Variants in SVOPL observed in about 807,000 individuals in gnomAD.
SVOPL encodes SVOP like.
A neutral mutation model predicts 61.0 loss-of-function variants in SVOPL; 60 were observed. The observed-to-expected ratio is 0.98, with a 90% CI of 0.80 to 1.22. The LOEUF is 1.22. Among genes scored for constraint, SVOPL ranks in the 50% most tolerant of loss-of-function variants. The pLI is 0.00. For missense variants in SVOPL, 662 were observed against 643.9 expected, an observed-to-expected ratio of 1.03 and a Z score of -0.30; for synonymous variants, 279 against 250.0, an observed-to-expected ratio of 1.12 and a Z score of -1.09.
At chr7:138,652,502 T>A (rs1480684466) in intron 7 of SVOPL, among the ~76,000 whole-genome samples, 1 of 152,142 alleles carries the variant, frequency 6.6e-6, no homozygotes, top group African/African-American at 2.4e-5. Flanking sequence ...CTTATTTAAA[T>A]CTAAAGCTAG....
chr7:138,614,757 C>G (rs1234879492), intron 14 of SVOPL, among the ~76,000 whole-genome samples: 1 of 152,126 alleles, frequency 6.6e-6, no homozygotes, highest in Non-Finnish European at 1.5e-5. Context: ...TTGGGGATGA[C>G]AGCTATGCGA....
chr7:138,678,902 C>T, intron 2 of SVOPL, 62 bp downstream of exon 2: 1 of 1,498,064 alleles, frequency 6.7e-7, no homozygotes. Flanking sequence ...TGCATTTAAC[C>T]TTAAAAAGGA....
At chr7:138,639,721 T>C (rs549647650) in intron 9 of SVOPL, among the ~76,000 whole-genome samples, 1 of 151,704 alleles carries the variant, frequency 6.6e-6, no homozygotes, top group Non-Finnish European at 1.5e-5. Flanking sequence ...TGAGACAGGG[T>C]CTCGCCCTGT....
chr7:138,693,102 A>C (rs1802979795), intron 1 of SVOPL, among the ~76,000 whole-genome samples: 1 of 152,232 alleles, frequency 6.6e-6, no homozygotes, highest in African/African-American at 2.4e-5. Flanking sequence ...GACCTAAATT[A>C]CTTTTCTTGT....
Position 138,655,729 on chromosome 7 carries a change from T to C in SVOPL, c.534+719A>G, listed in dbSNP as rs374920763. Among the ~76,000 whole-genome samples, 10 of 150,410 alleles carry C rather than the reference T, an allele frequency of 6.6e-5. No individual in the cohort carries two copies. The East Asian group carries it at 1.7e-3, about 26-fold the overall frequency. ...TAATATATACTATATTTGTGTAATA[T>C]AGATATATATTCATTTATTACTGTA... On this transcript the variant is annotated intron_variant, in intron 7 of 15. Transcript: ENST00000674285.
intron 1 of SVOPL, among the ~76,000 whole-genome samples, chr7:138,684,058 G>T (rs1219477260): frequency 6.6e-6 from 1 of 150,698 alleles, no homozygotes; most frequent in Non-Finnish European, 1.5e-5. Flanking sequence ...ATCTCGGCAG[G>T]GGGGCAGGTG....
chr7:138,661,114 AC>A, intron 5 of SVOPL: 7 of 985,430 alleles, frequency 7.1e-6, no homozygotes, highest in Non-Finnish European at 8.4e-6. Context: ...TTTAAAACAT[AC>A]AGCCAATTCT....
chr7:138,626,179 G>A (rs1182516144), intron 12 of SVOPL, 129 bp from the exon 13 acceptor site: 3 of 851,842 alleles, frequency 3.5e-6, no homozygotes, highest in Non-Finnish European at 1.8e-6. Context: ...GGGAGGTGCT[G>A]CTTCTCAGCT....
In SVOPL at chr7:138,628,176, T is replaced by G; in HGVS notation, c.1051A>C (p.Thr351Pro). Residue 351 changes from threonine (T) to proline (P), a missense_variant, in exon 11 of 16, where the codon ACC becomes CCC. Physicochemically the swap from Thr to Pro is conservative, Grantham distance 38 (BLOSUM62 -1). Coordinates refer to ENST00000674285, the MANE Select transcript of SVOPL (RefSeq NM_001139456.2). ...PSDYRTMIIS[T>P]IGEIALNPLN... ...CACTTACAAGCAATTTCACCGATGG[T>G]GCTGATGATCATGGTCCGATAGTCA... 1 of 1,614,048 alleles carries G rather than the reference T, an allele frequency of 6.2e-7. No homozygotes were observed. Among genetic ancestry groups the G allele is most frequent in the Non-Finnish European group, 8.5e-7 (1 of 1,180,012 alleles).
At chr7:138,632,689 T>G (rs531087094) in intron 9 of SVOPL, among the ~76,000 whole-genome samples, 3 of 127,512 alleles carry the variant, frequency 2.4e-5, no homozygotes, top group African/African-American at 9.1e-5. Context: ...GGATGGAGAA[T>G]GTGCAGGGAA....
chr7:138,687,484 ACCT>A (rs112632420), intron 1 of SVOPL, among the ~76,000 whole-genome samples: 6 of 150,686 alleles, frequency 4.0e-5, no homozygotes, highest in African/African-American at 9.7e-5. Flanking sequence ...GATCCGGCCA[ACCT>A]CAGCCTCCCA....
At chr7:138,690,826 G>T (rs1204704353) in intron 1 of SVOPL, among the ~76,000 whole-genome samples, 1 of 152,012 alleles carries the variant, frequency 6.6e-6, no homozygotes, top group Non-Finnish European at 1.5e-5. Context: ...AGGCTGGAGT[G>T]CAGTGGCGCA....
chr7:138,643,516 G>A (rs1260069218), intron 9 of SVOPL, among the ~76,000 whole-genome samples: 1 of 151,156 alleles, frequency 6.6e-6, no homozygotes, highest in African/African-American at 2.4e-5. Flanking sequence ...AACAGTAGAA[G>A]TGTTCATCAA....
chr7:138,686,752 C>T (rs1334981291), intron 1 of SVOPL, among the ~76,000 whole-genome samples: 9 of 151,826 alleles, frequency 5.9e-5, no homozygotes, highest in African/African-American at 1.9e-4. Context: ...TTAGTAGAGA[C>T]GGGGTTTCTC....
At chr7:138,649,427 G>A (rs567642866) in intron 7 of SVOPL, among the ~76,000 whole-genome samples, 1 of 152,158 alleles carries the variant, frequency 6.6e-6, no homozygotes, top group East Asian at 1.9e-4. Flanking sequence ...CCGAGTAGCT[G>A]GGATTATAGG....
At chr7:138,683,728 G>C (rs1024529893) in intron 1 of SVOPL, among the ~76,000 whole-genome samples, 2 of 152,002 alleles carry the variant, frequency 1.3e-5, no homozygotes, top group African/African-American at 4.8e-5. Flanking sequence ...AGTAGAATCA[G>C]AACTCACAAA....
chr7:138,672,383 A>G (rs551875091), intron 3 of SVOPL, among the ~76,000 whole-genome samples: 1 of 152,266 alleles, frequency 6.6e-6, no homozygotes, highest in South Asian at 2.1e-4. Flanking sequence ...TTGCTGACCA[A>G]TGCAGTTGCA....
At position 138,659,870 on chromosome 7, in the gene SVOPL, G is replaced by A. The variant is rs763198503; in HGVS notation, c.464C>T (p.Ser155Leu). The change falls in exon 6 of 16, where the codon TCG becomes TTG. Residue 155 changes from serine to leucine, a missense_variant. By Grantham distance (145) the Ser-to-Leu change is moderately radical (BLOSUM62 -2). Coordinates refer to ENST00000674285, the MANE Select transcript of SVOPL (RefSeq NM_001139456.2). Reference protein sequence around the residue: ...TMVGCGVSGHSQGLIIKTEFL... With the variant: ...TMVGCGVSGHLQGLIIKTEFL... The stretch of plus-strand genomic sequence containing the variant: ...CCCTGGGTAACATATTTACCCTTGC[G>A]AGTGGCCGGACACACCACAGCCCAC... 15 of 1,551,362 alleles carry A rather than the reference G, an allele frequency of 9.7e-6. No individual in the cohort carries two copies. The highest frequency in any genetic ancestry group is 2.4e-5 in the South Asian group (2 of 84,046).
intron 14 of SVOPL, among the ~76,000 whole-genome samples, chr7:138,620,827 C>T (rs922407563): frequency 1.2e-4 from 18 of 152,192 alleles, no homozygotes; most frequent in African/African-American, 3.1e-4. Flanking sequence ...AAACCCTGAA[C>T]GCAATGCAAT....
Sources: gnomAD v4.1 joint callset for allele counts (sites outside exome capture counted in the v4.1 genomes callset) on GRCh38, gnomAD v4.1.1 for gene constraint, MANE v1.5 for transcripts, NCBI Gene and HGNC (gene_info 2026-07-23, HGNC 2026-07-21) for gene names.